TNS3: variants seen among roughly 807,000 people sequenced by gnomAD.
The protein encoded by TNS3 is tensin-3.
TNS3 carries 45 observed loss-of-function variants against 140.9 expected under a neutral mutation model. The ratio of observed to expected loss-of-function variants is 0.32; its 90% CI spans 0.25 to 0.41. The LOEUF is 0.41. Ranked by LOEUF, TNS3 falls within the 10% of genes least tolerant of loss-of-function variation. TNS3 has a pLI of 1.00. For synonymous variants in TNS3, 815 were observed against 788.4 expected (o/e 1.03, Z -0.56); for missense variants, 1,716 against 1,906.7 (o/e 0.90, Z 1.86).
chr7:47,386,707 A>T (rs1792094591), intron 16 of TNS3, among the ~76,000 whole-genome samples: 1 of 152,236 alleles, frequency 6.6e-6, no homozygotes, highest in South Asian at 2.1e-4. Flanking sequence ...GGGGGAAAGG[A>T]GTGCTGTGAA....
intron 1 of TNS3, among the ~76,000 whole-genome samples, chr7:47,557,728 C>T (rs1265500458): frequency 6.6e-6 from 1 of 152,208 alleles, no homozygotes; most frequent in Non-Finnish European, 1.5e-5. Flanking sequence ...TTTTAACCAT[C>T]ACCACCACTG....
intron 4 of TNS3, among the ~76,000 whole-genome samples, chr7:47,461,678 G>A (rs761341801): frequency 2.0e-5 from 3 of 152,244 alleles, no homozygotes; most frequent in African/African-American, 2.4e-5. Flanking sequence ...TGACCACTGC[G>A]TCTGCTCCCA....
chr7:47,466,062 T>C (rs1796700772), intron 4 of TNS3, among the ~76,000 whole-genome samples: 2 of 152,194 alleles, frequency 1.3e-5, no homozygotes, highest in Non-Finnish European at 2.9e-5. Context: ...TTCTCTGCCA[T>C]ACGTGTTTTG....
At chr7:47,489,375 C>A (rs543873235) in intron 3 of TNS3, among the ~76,000 whole-genome samples, 2 of 152,336 alleles carry the variant, frequency 1.3e-5, no homozygotes, top group South Asian at 4.1e-4. Flanking sequence ...GGTCTCGGCT[C>A]TTCTCACCTC....
chr7:47,473,574 G>GAAACA (rs937861455), intron 4 of TNS3, among the ~76,000 whole-genome samples: 13 of 152,248 alleles, frequency 8.5e-5, no homozygotes, highest in Admixed American at 6.5e-4. Flanking sequence ...CTGAGGGGTG[G>GAAACA]AAACAATCTA....
chr7:47,528,671 C>A (rs547553630), intron 2 of TNS3, among the ~76,000 whole-genome samples: 1 of 152,272 alleles, frequency 6.6e-6, no homozygotes, highest in Non-Finnish European at 1.5e-5. Context: ...AAAATGAACC[C>A]GAAATCTAAA....
intron 1 of TNS3, among the ~76,000 whole-genome samples, chr7:47,553,994 G>A (rs13229549): frequency 2.0e-5 from 3 of 151,748 alleles, no homozygotes; most frequent in East Asian, 4.0e-4. Context: ...TAGTAGAGAC[G>A]GGGTTTCACC....
chr7:47,486,065 AGTGT>A (rs1052327250), intron 3 of TNS3, among the ~76,000 whole-genome samples: 1 of 148,314 alleles, frequency 6.7e-6, no homozygotes, highest in Non-Finnish European at 1.5e-5. Flanking sequence ...TGTGTGGGTG[AGTGT>A]GTGTGTGTGA....
chr7:47,513,855 A>G (rs1234589881), intron 2 of TNS3, among the ~76,000 whole-genome samples: 1 of 152,218 alleles, frequency 6.6e-6, no homozygotes, highest in Admixed American at 6.5e-5. Context: ...CAAACCACAC[A>G]TCAGTTCCCT....
intron 16 of TNS3, among the ~76,000 whole-genome samples, chr7:47,371,006 C>T (rs912779836): frequency 5.3e-5 from 8 of 152,186 alleles, no homozygotes; most frequent in Non-Finnish European, 8.8e-5. Context: ...AACGCGCCCA[C>T]GCCAGGCTTT....
chr7:47,399,820 T>A (rs1793053299), intron 15 of TNS3, among the ~76,000 whole-genome samples: 1 of 151,950 alleles, frequency 6.6e-6, no homozygotes, highest in Non-Finnish European at 1.5e-5. Context: ...CAAAAATAAG[T>A]AAATGGGACC....
chr7:47,494,275 G>A (rs1350108890), intron 3 of TNS3, among the ~76,000 whole-genome samples: 2 of 152,086 alleles, frequency 1.3e-5, no homozygotes, highest in Admixed American at 1.3e-4. Flanking sequence ...ACTTCCTACT[G>A]ACCCCACCCA....
At chr7:47,427,516 C>T (rs1794720555) in intron 9 of TNS3, among the ~76,000 whole-genome samples, 1 of 152,202 alleles carries the variant, frequency 6.6e-6, no homozygotes, top group Non-Finnish European at 1.5e-5. Flanking sequence ...ATGTAGACCC[C>T]ATAAATAATA....
At chr7:47,426,689 C>T (rs1031924634) in intron 9 of TNS3, among the ~76,000 whole-genome samples, 1 of 152,084 alleles carries the variant, frequency 6.6e-6, no homozygotes, top group Non-Finnish European at 1.5e-5. Context: ...TACATATTGA[C>T]TATTGAGAGA....
chr7:47,559,424 C>A (rs1384058721), intron 1 of TNS3, among the ~76,000 whole-genome samples: 3 of 152,316 alleles, frequency 2.0e-5, no homozygotes, highest in Middle Eastern at 3.4e-3. Flanking sequence ...CGGGAGAATT[C>A]TCCAAGGGAC....
In TNS3 at chr7:47,505,193, G is replaced by C. The variant is rs1798369505; in HGVS notation, c.-115+1714C>G. On this transcript the variant is annotated intron_variant, in intron 3 of 30. Coordinates refer to ENST00000311160, the MANE Select transcript of TNS3 (RefSeq NM_022748.12). ...AAAGGCACCATACAACAGGGGTGAGGGACAACACATCCCAGTCCTCCTAGG... is the reference window on the plus strand; with the variant it reads ...AAAGGCACCATACAACAGGGGTGAGCGACAACACATCCCAGTCCTCCTAGG... Among the ~76,000 whole-genome samples the C allele has an allele frequency of 2.0e-5, 3 of 152,096 alleles. No individual in the cohort carries two copies. The South Asian group carries it at 6.2e-4, about 32-fold the overall frequency.
intron 4 of TNS3, among the ~76,000 whole-genome samples, chr7:47,458,184 G>T (rs1479512307): frequency 6.6e-6 from 1 of 152,194 alleles, no homozygotes; most frequent in African/African-American, 2.4e-5. Flanking sequence ...CCCGTTCAAG[G>T]TCATCTGGTT....
At chr7:47,544,206 G>T (rs867870764) in intron 1 of TNS3, among the ~76,000 whole-genome samples, 1 of 151,442 alleles carries the variant, frequency 6.6e-6, no homozygotes, top group African/African-American at 2.4e-5. Flanking sequence ...AAGAGTCAGA[G>T]GCTGGTGCCA....
At chr7:47,549,274 C>T (rs1445743183) in intron 1 of TNS3, among the ~76,000 whole-genome samples, 3 of 152,114 alleles carry the variant, frequency 2.0e-5, no homozygotes, top group South Asian at 2.1e-4. Context: ...GGGCAGGTCA[C>T]GAGGTCAGGA....
Sources: gnomAD v4.1 joint callset for allele counts (sites outside exome capture counted in the v4.1 genomes callset) on GRCh38, gnomAD v4.1.1 for gene constraint, MANE v1.5 for transcripts, NCBI Gene and HGNC (gene_info 2026-07-23, HGNC 2026-07-21) for gene names.